Variants in KCNQ1 observed in about 807,000 individuals in gnomAD.
KCNQ1 encodes the protein potassium voltage-gated channel subfamily KQT member 1.
A neutral mutation model predicts 72.4 loss-of-function variants in KCNQ1; 49 were observed. That is an observed-to-expected ratio of 0.68 (90% CI 0.54 to 0.86). KCNQ1 has a LOEUF of 0.86. Among genes scored for constraint, KCNQ1 ranks in the 40% least tolerant of loss-of-function variants. The pLI, the probability that KCNQ1 is intolerant of heterozygous loss-of-function variation, is 0.00. For synonymous variants in KCNQ1, 450 were observed against 412.6 expected, an observed-to-expected ratio of 1.09 and a Z score of -1.10; for missense variants, 790 against 945.1, an observed-to-expected ratio of 0.84 and a Z score of 2.15.
At position 2,587,565 on chromosome 11, in the gene KCNQ1, C is replaced by G; in HGVS notation, c.1129-5C>G. On this transcript the variant is annotated splice_polypyrimidine_tract_variant and splice_region_variant and intron_variant, in intron 8 of 15. Coordinates refer to ENST00000155840, the MANE Select transcript of KCNQ1 (RefSeq NM_000218.3). The stretch of plus-strand genomic sequence containing the variant: ...GTGACAGCCTGTCCCCCTGCCCGAC[C>G]TCAGACCGCATGGAGGTGCTATGCT... 1 of 1,613,716 alleles carries G rather than the reference C, an allele frequency of 6.2e-7. No individual in the cohort carries two copies. The highest frequency in any genetic ancestry group is 8.5e-7 in the Non-Finnish European group (1 of 1,180,022).
intron 15 of KCNQ1, among the ~76,000 whole-genome samples, chr11:2,831,980 G>T (rs1405360845): frequency 6.6e-6 from 1 of 152,134 alleles, no homozygotes; most frequent in Non-Finnish European, 1.5e-5. Flanking sequence ...TGTACCAGGA[G>T]CCTCTGCTCC....
chr11:2,666,396 T>C (rs1850068152), intron 11 of KCNQ1: 3 of 398,686 alleles, frequency 7.5e-6, no homozygotes, highest in Non-Finnish European at 1.3e-5. Flanking sequence ...CGCAAATCCT[T>C]GAGCAAAAAC....
rs1848181845 is a variant in KCNQ1 at position 2,562,277 on chromosome 11, G to A, written c.478-8351G>A. Among the ~76,000 whole-genome samples, 1 of 152,152 alleles carries A rather than the reference G, an allele frequency of 6.6e-6. No homozygotes were observed. Among genetic ancestry groups the A allele is most frequent in the African/African-American group, 2.4e-5 (1 of 41,432 alleles). The stretch of plus-strand genomic sequence containing the variant: ...CAGCTGTGCCCAGCACGTCACTGGG[G>A]GCCCACAAGCTCTCAGCACAGGCTG... On this transcript the variant is annotated intron_variant, in intron 2 of 15. Coordinates refer to ENST00000155840, the MANE Select transcript of KCNQ1 (RefSeq NM_000218.3). This position sits in a 1 kb window ranked among gnomAD's most constrained non-coding sequence, Gnocchi z 7.5.
intron 2 of KCNQ1, among the ~76,000 whole-genome samples, chr11:2,556,638 T>A (rs2133701695): frequency 6.6e-6 from 1 of 152,358 alleles, no homozygotes; most frequent in Middle Eastern, 3.4e-3. Context: ...TTCTAAACTA[T>A]GAAGACAATG....
rs1223832716 is a variant in KCNQ1, at chr11:2,848,924, A to G, written c.*921A>G. 2.2e-6 allele frequency: 1 copy of G among 454,138 alleles called. No homozygotes were observed. 28.1% of individuals were successfully genotyped at this position (454,138 alleles called of 1,614,324 possible). A position where few individuals can be genotyped will look rare whatever the true frequency, so the allele number is the denominator to read the frequency against. On this transcript the variant is annotated 3_prime_UTR_variant, in exon 16 of 16. Coordinates refer to ENST00000155840, the MANE Select transcript of KCNQ1 (RefSeq NM_000218.3). ...TGTGGTGATTTGGATCTGTGTTTTA[A>G]TGAGTTTCACAGTGTGATTTTGATT...
chr11:2,579,142 T>G lies in KCNQ1; in HGVS notation c.922-4293T>G, dbSNP rs1442247885. On this transcript the variant is annotated intron_variant, in intron 6 of 15. Transcript: ENST00000155840. This position sits in a 1 kb window ranked among gnomAD's most constrained non-coding sequence, Gnocchi z 6.0. ...GAGCTCTGGGAGCCAGGGCTTGGCA[T>G]GCGGCTGGAGCTCAGGTTTCTGGGC... Among the ~76,000 whole-genome samples, 4 of 152,176 alleles carry G rather than the reference T, an allele frequency of 2.6e-5. No individual in the cohort carries two copies. The highest frequency in any genetic ancestry group is 9.7e-5 in the African/African-American group (4 of 41,442).
chr11:2,583,817 C>T (rs1848542214), intron 7 of KCNQ1, among the ~76,000 whole-genome samples: 1 of 152,194 alleles, frequency 6.6e-6, no homozygotes, highest in African/African-American at 2.4e-5. Flanking sequence ...CAGGCCTGCT[C>T]ACTCAGCCCT....
In KCNQ1 at chr11:2,445,197, G is replaced by A. The variant is rs2522016; in HGVS notation, c.99G>A (p.Lys33=). 1.7e-6 allele frequency: 2 copies of A among 1,149,014 alleles called. No homozygotes were observed. Among genetic ancestry groups the A allele is most frequent in the Non-Finnish European group, 2.2e-6 (2 of 930,162 alleles). 71.2% of individuals were successfully genotyped at this position (1,149,014 alleles called of 1,614,324 possible). A position where few individuals can be genotyped will look rare whatever the true frequency, so the allele number is the denominator to read the frequency against. The part of the protein sequence containing the change: ...ARRGSAGLAK[K]CPFSLELAEG... ...GGGGCAGCGCGGGCCTGGCCAAGAA[G>A]TGCCCCTTCTCGCTGGAGCTGGCGG... Residue 33 remains lysine, a synonymous_variant, in exon 1 of 16, where the codon AAG becomes AAA. Transcript: ENST00000155840.
At chr11:2,530,011 C>G (rs1223206562) in intron 2 of KCNQ1, among the ~76,000 whole-genome samples, 1 of 152,200 alleles carries the variant, frequency 6.6e-6, no homozygotes, top group Non-Finnish European at 1.5e-5. Flanking sequence ...CCCCTTGGTC[C>G]TGGCGTGTGA....
chr11:2,689,542 C>A, intron 11 of KCNQ1: 1 of 398,648 alleles, frequency 2.5e-6, no homozygotes, highest in Non-Finnish European at 4.4e-6. Flanking sequence ...GAAGCTTGCA[C>A]AGGAAGAACA....
Position 2,711,648 on chromosome 11 carries a change from T to C in KCNQ1, c.1514+49567T>C, listed in dbSNP as rs1034285123. Among the ~76,000 whole-genome samples the C allele has an allele frequency of 6.6e-6, 1 of 152,136 alleles. No individual in the cohort carries two copies. The highest frequency in any genetic ancestry group is 2.4e-5 in the African/African-American group (1 of 41,416). On this transcript the variant is annotated intron_variant, in intron 11 of 15. Transcript: ENST00000155840. The surrounding 1 kb of genome is among the most constrained non-coding windows in gnomAD (Gnocchi z 5.4). Reference sequence around the variant, plus strand: ...TCCCACAGAGGGTCTGTGGGTACAATGGAGCTATTTCCCAGTCAGACCTCA... The same window carrying C: ...TCCCACAGAGGGTCTGTGGGTACAACGGAGCTATTTCCCAGTCAGACCTCA...
chr11:2,676,053 T>G lies in KCNQ1; in HGVS notation c.1514+13972T>G, dbSNP rs1425467205. On this transcript the variant is annotated intron_variant, in intron 11 of 15. Transcript: ENST00000155840. This position sits in a 1 kb window ranked among gnomAD's most constrained non-coding sequence, Gnocchi z 4.2. Reference sequence around the variant, plus strand: ...ACTCAACACTTTCCTATTGCATCTTTCCAGACGTATTTTATATAAACAAAT... The same window carrying G: ...ACTCAACACTTTCCTATTGCATCTTGCCAGACGTATTTTATATAAACAAAT... 5.0e-6 allele frequency: 2 copies of G among 398,666 alleles called. No homozygotes were observed. The highest frequency in any genetic ancestry group is 8.8e-6 in the Non-Finnish European group (2 of 226,064). The allele number at this position is 398,666 out of a possible 1,614,324, so 24.7% of individuals were successfully genotyped here.
intron 1 of KCNQ1, among the ~76,000 whole-genome samples, chr11:2,489,360 C>T (rs1301847629): frequency 6.6e-6 from 1 of 152,162 alleles, no homozygotes; most frequent in Non-Finnish European, 1.5e-5. Flanking sequence ...TTAAACCAGC[C>T]CTAGCCAGAG....
rs534052659 is a variant in KCNQ1, at chr11:2,644,615, C to T, written c.1394-17346C>T. ...TTCCTTAGGAGTTGTCATGTTTTGC[C>T]TTTTCATGTTTCTTGTGTGCTTACA... On this transcript the variant is annotated intron_variant, in intron 10 of 15. Coordinates refer to ENST00000155840, the MANE Select transcript of KCNQ1 (RefSeq NM_000218.3). 8.8e-4 allele frequency: 351 copies of T among 398,408 alleles called. 1 individual carries two copies. The highest frequency in any genetic ancestry group is 5.7e-3 in the African/African-American group (277 of 48,702). 24.7% of individuals were successfully genotyped at this position (398,408 alleles called of 1,614,324 possible). A position where few individuals can be genotyped will look rare whatever the true frequency, so the allele number is the denominator to read the frequency against.
intron 15 of KCNQ1, among the ~76,000 whole-genome samples, chr11:2,811,853 G>A (rs879271603): frequency 2.0e-5 from 3 of 152,208 alleles, no homozygotes; most frequent in Non-Finnish European, 4.4e-5. Flanking sequence ...GGAAAACGGT[G>A]CTCAGTGAGC....
intron 15 of KCNQ1, among the ~76,000 whole-genome samples, chr11:2,831,176 C>A (rs1217567154): frequency 6.6e-6 from 1 of 152,218 alleles, no homozygotes; most frequent in Non-Finnish European, 1.5e-5. Context: ...ATGACAGGTG[C>A]TCTGTGATCA....
chr11:2,593,593 G>A lies in KCNQ1; in HGVS notation c.1393+4739G>A, dbSNP rs1433987140. ...CGTTTGTGAAGTGGGGCAGCGTGCT[G>A]GAGGAGCATGCATCACATACCCAGA... is the stretch of plus-strand genomic sequence containing the variant. On this transcript the variant is annotated intron_variant, in intron 10 of 15. Transcript: ENST00000155840. This position sits in a 1 kb window ranked among gnomAD's most constrained non-coding sequence, Gnocchi z 6.9. 6.6e-6 allele frequency among the ~76,000 whole-genome samples: 1 copy of A among 152,206 alleles called. No individual in the cohort carries two copies. The highest frequency in any genetic ancestry group is 2.4e-5 in the African/African-American group (1 of 41,450).
rs911499926 is a variant in KCNQ1 at position 2,818,199 on chromosome 11, C to T, written c.1795-29568C>T. Among the ~76,000 whole-genome samples, 2 of 152,178 alleles carry T rather than the reference C, an allele frequency of 1.3e-5. No homozygotes were observed. The highest frequency in any genetic ancestry group is 1.3e-4 in the Admixed American group (2 of 15,286). On this transcript the variant is annotated intron_variant, in intron 15 of 15. Coordinates refer to ENST00000155840, the MANE Select transcript of KCNQ1 (RefSeq NM_000218.3). The surrounding 1 kb of genome is among the most constrained non-coding windows in gnomAD (Gnocchi z 7.2). ...GAGCCCTAGGAAAGGGTCTTGTCTG[C>T]TCTTCCCCTCAGTGTCAGGTGACCC...
intron 15 of KCNQ1, among the ~76,000 whole-genome samples, chr11:2,793,254 C>T (rs1847066468): frequency 6.6e-6 from 1 of 152,222 alleles, no homozygotes. Flanking sequence ...GGGACCATAT[C>T]CAATAACGGG....
Sources: allele counts gnomAD v4.1 joint callset (sites outside exome capture counted in the v4.1 genomes callset), GRCh38; gene constraint gnomAD v4.1.1; non-coding constraint Gnocchi (gnomAD v3.1); transcripts MANE v1.5; gene names NCBI Gene and HGNC (gene_info 2026-07-23, HGNC 2026-07-21).